ARHGEF18: variants seen among roughly 807,000 people sequenced by gnomAD.
ARHGEF18 encodes the protein Rho/Rac guanine nucleotide exchange factor 18.
ARHGEF18 carries 93 observed loss-of-function variants against 155.7 expected under a neutral mutation model. The ratio of observed to expected loss-of-function variants is 0.60; its 90% CI spans 0.50 to 0.71. The LOEUF is 0.71. Ranked by LOEUF, ARHGEF18 falls within the 30% of genes least tolerant of loss-of-function variation. ARHGEF18 has a pLI of 0.00. For synonymous variants in ARHGEF18, 742 were observed against 753.1 expected, an observed-to-expected ratio of 0.99 and a Z score of 0.24; for missense variants, 1,593 against 1,816.1, an observed-to-expected ratio of 0.88 and a Z score of 2.23.
At chr19:7,355,068 TCACACACACACACACACACACACACACA>T (rs60457716) in intron 1 of ARHGEF18, among the ~76,000 whole-genome samples, 1 of 146,542 alleles carries the variant, frequency 6.8e-6, no homozygotes, top group Non-Finnish European at 1.5e-5. Flanking sequence ...CCAATGGGCT[TCACACACACACACACACACACACACACA>T]CACACACACA....
intron 10 of ARHGEF18, among the ~76,000 whole-genome samples, chr19:7,408,467 C>G (rs552948326): frequency 6.6e-6 from 1 of 152,348 alleles, no homozygotes; most frequent in African/African-American, 2.4e-5. Flanking sequence ...CCAGCCCCTA[C>G]AGTAGACGCA....
In ARHGEF18 at chr19:7,362,881, C is replaced by T. The variant is rs1315039419; in HGVS notation, c.-10C>T. On this transcript the variant is annotated 5_prime_UTR_variant, in exon 2 of 29. Transcript: ENST00000668164. ...CCTGGAAACCTGAGAACCCAGACTT[C>T]TTCTCTGCCATGGGGGATGATCAGG... 34 of 1,234,232 alleles carry T rather than the reference C, an allele frequency of 2.8e-5. No homozygotes were observed. Among genetic ancestry groups the T allele is most frequent in the Non-Finnish European group, 3.4e-5 (34 of 988,190 alleles). The allele number at this position is 1,234,232 out of a possible 1,614,324, so 76.5% of individuals were successfully genotyped here.
At chr19:7,424,992 C>CG (rs1257608034) in intron 10 of ARHGEF18, among the ~76,000 whole-genome samples, 5 of 142,192 alleles carry the variant, frequency 3.5e-5, no homozygotes, top group African/African-American at 1.1e-4. Context: ...GACTACGTCT[C>CG]GGGGAAAAAA....
At chr19:7,436,711 A>T (rs1320308277) in intron 10 of ARHGEF18, among the ~76,000 whole-genome samples, 1 of 152,148 alleles carries the variant, frequency 6.6e-6, no homozygotes, top group Non-Finnish European at 1.5e-5. Context: ...CAAAGGATAC[A>T]TCTCGGGATT....
At chr19:7,456,150 G>A (rs1975811749) in intron 17 of ARHGEF18, among the ~76,000 whole-genome samples, 177 bp from the exon 18 acceptor site, 1 of 152,230 alleles carries the variant, frequency 6.6e-6, no homozygotes, top group Non-Finnish European at 1.5e-5. Context: ...TGGTGCTGAA[G>A]GTTGAGACCT....
At chr19:7,451,990 G>A (rs1191752283) in intron 16 of ARHGEF18, among the ~76,000 whole-genome samples, 1 of 152,182 alleles carries the variant, frequency 6.6e-6, no homozygotes, top group Non-Finnish European at 1.5e-5. Context: ...CCAAAGTGCT[G>A]GGATTACAGG....
At position 7,393,135 on chromosome 19, in the gene ARHGEF18, T is replaced by C. The variant is rs183957010; in HGVS notation, c.967+9932T>C. ...CCACAGCTACACAGCTGCCCAACCA[T>C]TGAGCCCTCATAAACTCCCGTGTTA... is the stretch of plus-strand genomic sequence containing the variant. On this transcript the variant is annotated intron_variant, in intron 10 of 28. Transcript: ENST00000668164. Among the ~76,000 whole-genome samples the C allele has an allele frequency of 7.3e-5, 11 of 151,652 alleles. No individual in the cohort carries two copies. In the South Asian group the frequency reaches 1.7e-3, roughly 23 times the overall value.
intron 10 of ARHGEF18, among the ~76,000 whole-genome samples, chr19:7,424,996 GA>G (rs538094940): frequency 0.1 from 13,873 of 136,308 alleles, 620 homozygotes; most frequent in Non-Finnish European, 0.11. Context: ...ACGTCTCGGG[GA>G]AAAAAAAAAA....
At chr19:7,393,550 T>G (rs1263715048) in intron 10 of ARHGEF18, among the ~76,000 whole-genome samples, 1 of 152,056 alleles carries the variant, frequency 6.6e-6, no homozygotes, top group African/African-American at 2.4e-5. Context: ...CCAACCTTGG[T>G]GAGAGCTGTT....
chr19:7,380,929 G>C lies in ARHGEF18; in HGVS notation c.657G>C (p.Arg219Ser). 1 of 1,232,186 alleles carries C rather than the reference G, an allele frequency of 8.1e-7. No individual in the cohort carries two copies. Among genetic ancestry groups the C allele is most frequent in the Non-Finnish European group, 1.0e-6 (1 of 988,016 alleles). The allele number at this position is 1,232,186 out of a possible 1,614,324, so 76.3% of individuals were successfully genotyped here. Residue 219 changes from arginine (R) to serine (S), a missense_variant, in exon 8 of 29, where the codon AGG becomes AGC. Arg to Ser is a moderately radical substitution (Grantham distance 110, BLOSUM62 -1). Coordinates refer to ENST00000668164, the MANE Select transcript of ARHGEF18 (RefSeq NM_001367823.1). ...TCTGATCCTGCAGGGCCCGGCAGAG[G>C]GCTTGCATGTCAGCCAGCCCCGGAG... ...ELRQYHGARQ[R>S]ACMSASPGGA...
rs1974884671 is a variant in ARHGEF18 at position 7,444,750 on chromosome 19, C to T, written c.1611+296C>T. Among the ~76,000 whole-genome samples the T allele has an allele frequency of 6.6e-6, 1 of 152,146 alleles. No homozygotes were observed. The highest frequency in any genetic ancestry group is 6.6e-5 in the Admixed American group (1 of 15,264). ...TCTTGAACTCCTGAGCTCAAGTGATCCTCCTGCCTCAGCCTTCCACGTAGC... is the reference window on the plus strand; with the variant it reads ...TCTTGAACTCCTGAGCTCAAGTGATTCTCCTGCCTCAGCCTTCCACGTAGC... On this transcript the variant is annotated intron_variant, in intron 14 of 28. Coordinates refer to ENST00000668164, the MANE Select transcript of ARHGEF18 (RefSeq NM_001367823.1). The surrounding 1 kb of genome is among the most constrained non-coding windows in gnomAD (Gnocchi z 4.7).
intron 10 of ARHGEF18, chr19:7,394,997 G>C: frequency 4.1e-6 from 4 of 967,270 alleles, no homozygotes; most frequent in Non-Finnish European, 4.9e-6. Context: ...CCTCACCACG[G>C]CTCGGGGAGC....
downstream of ARHGEF18, among the ~76,000 whole-genome samples, chr19:7,475,113 G>T (rs185479404): frequency 6.6e-6 from 1 of 152,110 alleles, no homozygotes; most frequent in Non-Finnish European, 1.5e-5. Flanking sequence ...CGTGCCTGTA[G>T]TCCCAGCTAC....
At position 7,385,872 on chromosome 19, in the gene ARHGEF18, C is replaced by CTCTCT. The variant is rs1568285803; in HGVS notation, c.967+2669_967+2670insTCTCT. 9.9e-4 allele frequency among the ~76,000 whole-genome samples: 49 copies of CTCTCT among 49,710 alleles called. 3 individuals carry two copies. The East Asian group carries it at 0.017, about 18-fold the overall frequency. 32.6% of individuals were successfully genotyped at this position (49,710 alleles called of 152,430 possible). ...CTCTCTCTCTCTCTCTCTCTCTCTC[C>CTCTCT]CCCCTCCCTCTCTCCCTCCCTCCCT... On this transcript the variant is annotated intron_variant, in intron 10 of 28. Transcript: ENST00000668164.
At chr19:7,437,043 A>C (rs1349909097) in intron 10 of ARHGEF18, among the ~76,000 whole-genome samples, 1 of 152,194 alleles carries the variant, frequency 6.6e-6, no homozygotes, top group Non-Finnish European at 1.5e-5. Context: ...TGATGTCTTA[A>C]TTGGCAAGAA....
In ARHGEF18 at chr19:7,468,915, T is replaced by C; in HGVS notation, c.3571T>C (p.Tyr1191His). ...SMLPSGVGPE[Y>H]AERPEVARRD... is the part of the protein sequence containing the mutation. The stretch of plus-strand genomic sequence containing the variant: ...GCTGCCATCCGGCGTGGGGCCAGAG[T>C]ACGCAGAGCGCCCCGAGGTGGCTCG... The change falls in exon 27 of 29, where the codon TAC (tyrosine) becomes CAC (histidine). Residue 1191 changes from tyrosine to histidine, a missense_variant. By Grantham distance (83) the Tyr-to-His change is moderately conservative (BLOSUM62 2). Transcript: ENST00000668164. The C allele has an allele frequency of 6.3e-7, 1 of 1,574,850 alleles. No individual in the cohort carries two copies. Among genetic ancestry groups the C allele is most frequent in the Non-Finnish European group, 8.6e-7 (1 of 1,161,316 alleles).
In ARHGEF18 at chr19:7,370,804, C is replaced by T. The variant is rs566747482; in HGVS notation, c.16-2008C>T. Among the ~76,000 whole-genome samples, 5 of 152,172 alleles carry T rather than the reference C, an allele frequency of 3.3e-5. No individual in the cohort carries two copies. The South Asian group carries it at 8.3e-4, about 25-fold the overall frequency. On this transcript the variant is annotated intron_variant, in intron 2 of 28. Coordinates refer to ENST00000668164, the MANE Select transcript of ARHGEF18 (RefSeq NM_001367823.1). ...GGAGGAATCTTGAGGACGTTATGCTCGGTGAAATAAACCAGACACAAAAGG... is the reference window on the plus strand; with the variant it reads ...GGAGGAATCTTGAGGACGTTATGCTTGGTGAAATAAACCAGACACAAAAGG...
intron 26 of ARHGEF18, 124 bp from the exon 27 acceptor site, chr19:7,468,701 G>C: frequency 1.8e-6 from 2 of 1,093,678 alleles, no homozygotes; most frequent in African/African-American, 3.2e-5. Context: ...AGCTCCTTCA[G>C]GCTGCACCTG....
At chr19:7,383,746 T>G (rs1482837464) in intron 10 of ARHGEF18, among the ~76,000 whole-genome samples, 2 of 148,650 alleles carry the variant, frequency 1.3e-5, no homozygotes, top group Non-Finnish European at 3.0e-5. Flanking sequence ...CTTAGCTTAT[T>G]TACATCCATG....
Sources: allele counts gnomAD v4.1 joint callset (sites outside exome capture counted in the v4.1 genomes callset), GRCh38; gene constraint gnomAD v4.1.1; non-coding constraint Gnocchi (gnomAD v3.1); transcripts MANE v1.5; gene names NCBI Gene and HGNC (gene_info 2026-07-23, HGNC 2026-07-21).